CCDC170: variants seen among roughly 807,000 people sequenced by gnomAD.
CCDC170 encodes coiled-coil domain containing 170.
CCDC170 carries 69 observed loss-of-function variants against 72.6 expected under a neutral mutation model. The observed-to-expected ratio is 0.95, with a 90% CI of 0.78 to 1.16. CCDC170 has a LOEUF of 1.16. Among genes scored for constraint, CCDC170 ranks in the 50% most tolerant of loss-of-function variants. The pLI is 0.00. For missense variants in CCDC170, 852 were observed against 832.5 expected (o/e 1.02, Z -0.29); for synonymous variants, 300 against 303.9 (o/e 0.99, Z 0.13).
intron 5 of CCDC170, among the ~76,000 whole-genome samples, chr6:151,563,062 G>A (rs1320580265): frequency 6.6e-6 from 1 of 152,152 alleles, no homozygotes; most frequent in Non-Finnish European, 1.5e-5. Flanking sequence ...TGAGGGGAGA[G>A]TCTCTTCCCC....
At chr6:151,615,838 G>C in intron 10 of CCDC170, 159 bp downstream of exon 10, 1 of 630,616 alleles carries the variant, frequency 1.6e-6, no homozygotes, top group Non-Finnish European at 2.8e-6. Context: ...AATTTTCTCT[G>C]TATCGTTCCA....
chr6:151,523,151 G>T lies in CCDC170; in HGVS notation c.58-13167G>T, dbSNP rs79269765. ...TGTTTACAAAATGGGCCACTGTGGA[G>T]GCTCTGTTGCTCTCAGGAGTTTGTG... On this transcript the variant is annotated intron_variant, in intron 1 of 10. Transcript: ENST00000239374. Among the ~76,000 whole-genome samples, 6 of 152,288 alleles carry T rather than the reference G, an allele frequency of 3.9e-5. No individual in the cohort carries two copies. The East Asian group carries it at 1.2e-3, about 29-fold the overall frequency.
At chr6:151,550,975 T>C (rs749616017) in intron 5 of CCDC170, among the ~76,000 whole-genome samples, 86 of 152,202 alleles carry the variant, frequency 5.7e-4, no homozygotes, top group Non-Finnish European at 1.1e-3. Flanking sequence ...TCCATAGTAT[T>C]AGGTTGGTGC....
At chr6:151,525,913 T>A (rs566557607) in intron 1 of CCDC170, among the ~76,000 whole-genome samples, 80 of 152,362 alleles carry the variant, frequency 5.3e-4, no homozygotes, top group Admixed American at 2.2e-3. Context: ...TCATTAAGAA[T>A]ACTTTAAATT....
intron 1 of CCDC170, among the ~76,000 whole-genome samples, chr6:151,534,023 G>T (rs1025536115): frequency 6.6e-6 from 1 of 151,724 alleles, no homozygotes; most frequent in African/African-American, 2.4e-5. Flanking sequence ...TTAATACACA[G>T]CTTCTTTTCT....
intron 1 of CCDC170, among the ~76,000 whole-genome samples, chr6:151,530,332 C>A (rs1782476125): frequency 6.6e-6 from 1 of 151,392 alleles, no homozygotes; most frequent in South Asian, 2.1e-4. Context: ...TACATATTGC[C>A]AAATACTTTT....
chr6:151,513,950 A>G (rs1007646924), intron 1 of CCDC170, among the ~76,000 whole-genome samples: 4 of 151,062 alleles, frequency 2.6e-5, no homozygotes, highest in Admixed American at 1.3e-4. Flanking sequence ...GAAAAAAGAA[A>G]TGCATCAAAA....
chr6:151,500,513 C>A (rs1391133671), intron 1 of CCDC170, among the ~76,000 whole-genome samples: 1 of 151,452 alleles, frequency 6.6e-6, no homozygotes, highest in East Asian at 1.9e-4. Flanking sequence ...TTAAAAAAAT[C>A]TAAATATATA....
chr6:151,569,656 G>A (rs1776190914), intron 5 of CCDC170, among the ~76,000 whole-genome samples: 1 of 152,170 alleles, frequency 6.6e-6, no homozygotes. Context: ...GCTTGCTTCG[G>A]CGTATCCTTG....
rs1776951103 is a variant in CCDC170, at chr6:151,615,537, T to C, written c.1805T>C (p.Met602Thr). 2 of 1,613,966 alleles carry C rather than the reference T, an allele frequency of 1.2e-6. No homozygotes were observed. The highest frequency in any genetic ancestry group is 1.7e-5 in the Admixed American group (1 of 60,004). The change falls in exon 10 of 11, where the codon ATG becomes ACG. Residue 602 changes from methionine to threonine, a missense_variant. Transcript: ENST00000239374. ...KMKEKAEKKL[M>T]SVKSELDTTE... is the part of the protein sequence containing the mutation. ...AAGGAGAAAGCTGAGAAAAAGCTCA[T>C]GTCTGTCAAGTCAGAACTGGATACC...
At chr6:151,507,553 G>A (rs1006250511) in intron 1 of CCDC170, among the ~76,000 whole-genome samples, 21 of 152,262 alleles carry the variant, frequency 1.4e-4, no homozygotes, top group Admixed American at 3.3e-4. Context: ...AGGCAAAAGT[G>A]TATAGGGCCC....
intron 3 of CCDC170, among the ~76,000 whole-genome samples, chr6:151,542,552 T>C (rs1782708686): frequency 6.6e-6 from 1 of 152,246 alleles, no homozygotes; most frequent in Non-Finnish European, 1.5e-5. Context: ...CCCATTGTAT[T>C]CCATTGCTTG....
At chr6:151,526,895 ATT>A (rs1044497683) in intron 1 of CCDC170, among the ~76,000 whole-genome samples, 3 of 150,850 alleles carry the variant, frequency 2.0e-5, no homozygotes, top group African/African-American at 7.3e-5. Flanking sequence ...AATTAGAAGA[ATT>A]TTTTTTGAGA....
intron 4 of CCDC170, among the ~76,000 whole-genome samples, chr6:151,547,531 G>A (rs1251368065): frequency 6.6e-6 from 1 of 151,980 alleles, no homozygotes; most frequent in African/African-American, 2.4e-5. Context: ...GAGAGAGAGG[G>A]AACAGCATGA....
chr6:151,605,297 C>G (rs944790200), intron 9 of CCDC170, among the ~76,000 whole-genome samples: 6 of 152,198 alleles, frequency 3.9e-5, no homozygotes, highest in African/African-American at 1.2e-4. Flanking sequence ...TGCCTCAGCT[C>G]TAGTCAATGA....
chr6:151,599,662 A>G (rs1293560547), intron 9 of CCDC170, among the ~76,000 whole-genome samples: 1 of 152,104 alleles, frequency 6.6e-6, no homozygotes, highest in Non-Finnish European at 1.5e-5. Context: ...ACAGAGAGAG[A>G]GATAGAGAGA....
rs774072878 is a variant in CCDC170, at chr6:151,573,472, G to C, written c.1073G>C (p.Arg358Pro). 1 of 1,613,782 alleles carries C rather than the reference G, an allele frequency of 6.2e-7. No individual in the cohort carries two copies. The highest frequency in any genetic ancestry group is 8.5e-7 in the Non-Finnish European group (1 of 1,179,772). The change falls in exon 6 of 11, where the codon CGG (arginine) becomes CCG (proline). Residue 358 changes from arginine to proline, a missense_variant. Transcript: ENST00000239374. ...ILEKIREMDS[R>P]EESRDRMVSQ... The stretch of plus-strand genomic sequence containing the variant: ...GAGAAGATTCGAGAAATGGACAGCC[G>C]GGAAGAAAGCAGGGACCGGGTGAGT...
chr6:151,536,667 C>G (rs1475762202), intron 2 of CCDC170, among the ~76,000 whole-genome samples: 1 of 148,648 alleles, frequency 6.7e-6, no homozygotes, highest in Non-Finnish European at 1.5e-5. Flanking sequence ...ACCAGCTGCT[C>G]GAGAGGCTGA....
chr6:151,557,278 G>A (rs1163358811), intron 5 of CCDC170, among the ~76,000 whole-genome samples: 2 of 151,902 alleles, frequency 1.3e-5, no homozygotes, highest in African/African-American at 2.4e-5. Flanking sequence ...GTGTGGTGGT[G>A]CACGCCTGTA....
Sources: gnomAD v4.1 joint callset for allele counts (sites outside exome capture counted in the v4.1 genomes callset) on GRCh38, gnomAD v4.1.1 for gene constraint, MANE v1.5 for transcripts, NCBI Gene and HGNC (gene_info 2026-07-23, HGNC 2026-07-21) for gene names.